ZFYVE28: variants seen among roughly 807,000 people sequenced by gnomAD.
ZFYVE28 encodes zinc finger FYVE-type containing 28.
A neutral mutation model predicts 82.1 loss-of-function variants in ZFYVE28; 40 were observed. That is an observed-to-expected ratio of 0.49 (90% CI 0.38 to 0.63). ZFYVE28 has a LOEUF of 0.63. Ranked by LOEUF, ZFYVE28 falls within the 30% of genes least tolerant of loss-of-function variation. ZFYVE28 has a pLI of 0.00. For synonymous variants in ZFYVE28, 612 were observed against 546.1 expected, an observed-to-expected ratio of 1.12 and a Z score of -1.68; for missense variants, 1,321 against 1,242.1, an observed-to-expected ratio of 1.06 and a Z score of -0.96.
chr4:2,415,614 C>T (rs1278141845), intron 1 of ZFYVE28, among the ~76,000 whole-genome samples: 2 of 152,164 alleles, frequency 1.3e-5, no homozygotes, highest in Admixed American at 1.3e-4. Context: ...CAACAGTCTC[C>T]CCCAGACACA....
chr4:2,276,995 A>G (rs557540468), intron 8 of ZFYVE28, among the ~76,000 whole-genome samples: 1 of 150,984 alleles, frequency 6.6e-6, no homozygotes, highest in African/African-American at 2.4e-5. Flanking sequence ...TAAAAATATA[A>G]AAAAAAAAGA....
chr4:2,322,054 T>C (rs1335089167), intron 6 of ZFYVE28, among the ~76,000 whole-genome samples: 2 of 152,212 alleles, frequency 1.3e-5, no homozygotes, highest in Non-Finnish European at 2.9e-5. Flanking sequence ...TCCAGCCGTG[T>C]GTTAGCTTTC....
intron 1 of ZFYVE28, among the ~76,000 whole-genome samples, chr4:2,413,386 A>G (rs1467237205): frequency 6.6e-6 from 1 of 152,252 alleles, no homozygotes; most frequent in East Asian, 1.9e-4. Flanking sequence ...ACCTGGATGC[A>G]GAGCCGCCGG....
At chr4:2,398,201 A>G (rs3135078) in intron 1 of ZFYVE28, among the ~76,000 whole-genome samples, 128,908 of 152,094 alleles carry the variant, frequency 0.85, 54,791 homozygotes, top group Admixed American at 0.9. Flanking sequence ...AGGAGGCCGC[A>G]TGGGTGGGGA....
At chr4:2,396,138 A>G (rs866093340) in intron 1 of ZFYVE28, among the ~76,000 whole-genome samples, 12 of 27,094 alleles carry the variant, frequency 4.4e-4, no homozygotes, top group Non-Finnish European at 6.2e-4. Flanking sequence ...GGGGTGTCTG[A>G]GCTGATGGGA....
intron 9 of ZFYVE28, 52 bp downstream of exon 9, chr4:2,274,010 G>A (rs1736161795): frequency 1.4e-5 from 23 of 1,594,854 alleles, no homozygotes; most frequent in South Asian, 1.3e-4. Context: ...CCCCTAAAGC[G>A]CAGCCCGTGT....
intron 1 of ZFYVE28, among the ~76,000 whole-genome samples, chr4:2,356,410 C>T (rs1377854512): frequency 6.5e-5 from 9 of 137,958 alleles, no homozygotes; most frequent in Admixed American, 4.4e-4. Context: ...CCCGCCCCCC[C>T]GGCAGTTGGT....
chr4:2,344,977 C>T (rs765608264), intron 2 of ZFYVE28, among the ~76,000 whole-genome samples: 14 of 151,848 alleles, frequency 9.2e-5, no homozygotes, highest in South Asian at 2.1e-4. Flanking sequence ...TTGGGGAAGC[C>T]GAGGTGGGTA....
rs1371135927 is a variant in ZFYVE28, at chr4:2,274,134, T to C, written c.2134A>G (p.Thr712Ala). The part of the protein sequence containing the change: ...PAATHAAPQA[T>A]REKIRSRFHG... ...AACCTGGACCGGATCTTCTCTCTTGTGGCCTGTGGGGCAGCATGCGTGGCT... is the reference window on the plus strand; with the variant it reads ...AACCTGGACCGGATCTTCTCTCTTGCGGCCTGTGGGGCAGCATGCGTGGCT... The change falls in exon 9 of 13, where the codon ACA becomes GCA. Residue 712 changes from threonine (T) to alanine (A), a missense_variant. Thr to Ala is a moderately conservative substitution (Grantham distance 58). Coordinates refer to ENST00000290974, the MANE Select transcript of ZFYVE28 (RefSeq NM_020972.3). 1.6e-5 allele frequency: 26 copies of C among 1,613,478 alleles called. No individual in the cohort carries two copies. Among genetic ancestry groups the C allele is most frequent in the East Asian group, 2.2e-5 (1 of 44,894 alleles).
At chr4:2,271,159 G>A (rs1735871314) in intron 12 of ZFYVE28, 152 bp downstream of exon 12, 14 of 837,248 alleles carry the variant, frequency 1.7e-5, no homozygotes, top group Non-Finnish European at 5.5e-6. Context: ...CCTGGAGTCA[G>A]AACAGGGCCC....
At chr4:2,307,898 T>C (rs921865278) in intron 7 of ZFYVE28, among the ~76,000 whole-genome samples, 9 of 152,202 alleles carry the variant, frequency 5.9e-5, no homozygotes, top group Admixed American at 5.9e-4. Context: ...ATATGAGACA[T>C]TTTTCCTCAT....
At chr4:2,398,694 G>GGCCAAGATCCAGGGCAAAATAGGT (rs1553865250) in intron 1 of ZFYVE28, among the ~76,000 whole-genome samples, 1 of 115,964 alleles carries the variant, frequency 8.6e-6, no homozygotes, top group African/African-American at 3.4e-5. Context: ...GCACAATGGG[G>GGCCAAGATCCAGGGCAAAATAGGT]GGTCGAGATC....
intron 1 of ZFYVE28, among the ~76,000 whole-genome samples, chr4:2,358,615 C>T (rs1185155054): frequency 6.6e-6 from 1 of 152,204 alleles, no homozygotes; most frequent in Non-Finnish European, 1.5e-5. Flanking sequence ...TGAGGTGTTA[C>T]TGAGCACAGA....
intron 8 of ZFYVE28, among the ~76,000 whole-genome samples, chr4:2,279,864 G>A (rs1711722847): frequency 6.6e-6 from 1 of 152,090 alleles, no homozygotes; most frequent in African/African-American, 2.4e-5. Context: ...GGGGCAGAAA[G>A]CAGAACCGTG....
intron 1 of ZFYVE28, among the ~76,000 whole-genome samples, chr4:2,356,027 T>G (rs1432603977): frequency 6.6e-6 from 1 of 152,242 alleles, no homozygotes; most frequent in Non-Finnish European, 1.5e-5. Flanking sequence ...CCGTGTGCTC[T>G]GGCCTGCCAC....
intron 2 of ZFYVE28, among the ~76,000 whole-genome samples, chr4:2,346,861 A>G (rs1028077646): frequency 7.2e-5 from 11 of 152,202 alleles, no homozygotes; most frequent in African/African-American, 1.9e-4. Flanking sequence ...AAGGAAAAAA[A>G]GAGGAATGGG....
At chr4:2,353,172 T>C (rs1724729255) in intron 2 of ZFYVE28, among the ~76,000 whole-genome samples, 1 of 152,208 alleles carries the variant, frequency 6.6e-6, no homozygotes, top group Admixed American at 6.5e-5. Context: ...GCCCTAATGC[T>C]GCTGAGTTCC....
intron 8 of ZFYVE28, among the ~76,000 whole-genome samples, chr4:2,282,180 A>C (rs1383171576): frequency 4.0e-5 from 6 of 151,846 alleles, no homozygotes; most frequent in Admixed American, 3.9e-4. Flanking sequence ...GCTGCCAGAC[A>C]CTCCCGCACC....
chr4:2,293,535 C>G (rs897279190), intron 8 of ZFYVE28, among the ~76,000 whole-genome samples: 1 of 151,964 alleles, frequency 6.6e-6, no homozygotes, highest in African/African-American at 2.4e-5. Flanking sequence ...AGGTGGATCA[C>G]GAGGTCAGGA....
Sources: allele counts gnomAD v4.1 joint callset (sites outside exome capture counted in the v4.1 genomes callset), GRCh38; gene constraint gnomAD v4.1.1; transcripts MANE v1.5; gene names NCBI Gene and HGNC (gene_info 2026-07-23, HGNC 2026-07-21).